Variants in ITCH observed in about 807,000 individuals in gnomAD.
ITCH encodes itchy E3 ubiquitin protein ligase.
A neutral mutation model predicts 126.8 loss-of-function variants in ITCH; 28 were observed. The observed-to-expected ratio is 0.22, with a 90% CI of 0.16 to 0.30. The LOEUF (loss-of-function observed/expected upper bound fraction) is 0.30, where lower values mean the gene tolerates loss of function less well. Ranked by LOEUF, ITCH falls within the 10% of genes least tolerant of loss-of-function variation. The pLI, the probability that ITCH is intolerant of heterozygous loss-of-function variation, is 1.00. For missense variants in ITCH, 631 were observed against 1,032.4 expected, an observed-to-expected ratio of 0.61 and a Z score of 5.33; for synonymous variants, 342 against 340.0, an observed-to-expected ratio of 1.01 and a Z score of -0.06.
chr20:34,475,462 G>A (rs539408403), intron 16 of ITCH, among the ~76,000 whole-genome samples: 9 of 152,300 alleles, frequency 5.9e-5, no homozygotes, highest in East Asian at 3.9e-4. Context: ...AGACCGGCCC[G>A]GCCAACACAT....
rs185725418 is a variant in ITCH, at chr20:34,404,870, A to G, written c.71-3781A>G. On this transcript the variant is annotated intron_variant, in intron 3 of 24. Transcript: ENST00000374864. Reference sequence around the variant, plus strand: ...TTTGTTAGGCCAGGCCTGGTGGCTCATGCCTGTAATTCCACCACTTTGGTA... The same window carrying G: ...TTTGTTAGGCCAGGCCTGGTGGCTCGTGCCTGTAATTCCACCACTTTGGTA... Among the ~76,000 whole-genome samples the G allele has an allele frequency of 2.9e-3, 435 of 152,278 alleles. 2 individuals carry two copies. Among genetic ancestry groups the G allele is most frequent in the South Asian group, 0.028 (137 of 4,818 alleles).
At chr20:34,440,115 A>C (rs1390479343) in intron 8 of ITCH, 40 bp from the exon 9 acceptor site, 2 of 1,424,838 alleles carry the variant, frequency 1.4e-6, no homozygotes, top group Admixed American at 3.4e-5. Flanking sequence ...ATTTTAGAAA[A>C]TGAAAGATTC....
intron 23 of ITCH, among the ~76,000 whole-genome samples, chr20:34,495,970 C>T (rs913903323): frequency 3.4e-5 from 5 of 148,478 alleles, no homozygotes; most frequent in African/African-American, 7.5e-5. Flanking sequence ...TGGTGGTACA[C>T]GCCTGTAATC....
chr20:34,480,937 C>T (rs180863298), intron 19 of ITCH, 129 bp from the exon 20 acceptor site: 2 of 1,103,594 alleles, frequency 1.8e-6, no homozygotes, highest in East Asian at 2.6e-5. Flanking sequence ...AGAACAGAAT[C>T]TTATTTCTTC....
At chr20:34,426,799 T>G (rs536176908) in intron 7 of ITCH, among the ~76,000 whole-genome samples, 3 of 148,794 alleles carry the variant, frequency 2.0e-5, no homozygotes, top group South Asian at 4.3e-4. Flanking sequence ...TTTTGAGGTG[T>G]TGTCTCACTC....
intron 16 of ITCH, among the ~76,000 whole-genome samples, chr20:34,474,039 A>G (rs966532443): frequency 6.6e-6 from 1 of 152,260 alleles, no homozygotes; most frequent in African/African-American, 2.4e-5. Flanking sequence ...AGATTATATG[A>G]AAACATTTTG....
chr20:34,429,992 A>C (rs1982071438), intron 7 of ITCH, among the ~76,000 whole-genome samples: 1 of 152,196 alleles, frequency 6.6e-6, no homozygotes, highest in Non-Finnish European at 1.5e-5. Context: ...GTTTTGTAGG[A>C]AATCTTTAAT....
At chr20:34,468,861 CT>C (rs1370184312) in intron 14 of ITCH, among the ~76,000 whole-genome samples, 2 of 151,950 alleles carry the variant, frequency 1.3e-5, no homozygotes, top group Non-Finnish European at 2.9e-5. Context: ...AAAACTGTCT[CT>C]TTTCCCCTCA....
At chr20:34,492,457 T>C (rs745362155) in intron 22 of ITCH, 44 bp from the exon 23 acceptor site, 15 of 1,144,126 alleles carry the variant, frequency 1.3e-5, no homozygotes, top group Non-Finnish European at 2.0e-5. Context: ...GTGTGCTGAA[T>C]GTAACATATG....
At chr20:34,416,782 A>C (rs1454818771) in intron 6 of ITCH, among the ~76,000 whole-genome samples, 1 of 151,962 alleles carries the variant, frequency 6.6e-6, no homozygotes, top group African/African-American at 2.4e-5. Context: ...CTAGTTTAAT[A>C]TCTCGCTACA....
intron 23 of ITCH, among the ~76,000 whole-genome samples, chr20:34,503,939 T>C (rs902113869): frequency 1.4e-5 from 2 of 146,230 alleles, no homozygotes; most frequent in Non-Finnish European, 3.0e-5. Context: ...GAGAGTGTAG[T>C]GGCGCAATCT....
rs751727385 is a variant in ITCH at position 34,481,218 on chromosome 20, C to G, written c.2093+12C>G. ...GAGGAATACATCAGGTGAGAGTGCT[C>G]CTTTTCACATTTCACTTTTTGTTTG... On this transcript the variant is annotated intron_variant, in intron 20 of 24. Coordinates refer to ENST00000374864, the MANE Select transcript of ITCH (RefSeq NM_031483.7). 4.3e-6 allele frequency: 7 copies of G among 1,612,720 alleles called. No homozygotes were observed. In the South Asian group the frequency reaches 7.7e-5, roughly 18 times the overall value.
At chr20:34,474,196 G>A (rs1987911838) in intron 16 of ITCH, among the ~76,000 whole-genome samples, 1 of 151,180 alleles carries the variant, frequency 6.6e-6, no homozygotes, top group Non-Finnish European at 1.5e-5. Flanking sequence ...GATCATTCTT[G>A]GGTGTTTCTC....
intron 13 of ITCH, among the ~76,000 whole-genome samples, chr20:34,460,311 C>A (rs62212229): frequency 6.6e-6 from 1 of 151,530 alleles, no homozygotes; most frequent in Non-Finnish European, 1.5e-5. Flanking sequence ...GCCTCAGCCT[C>A]CCAAGTAGCT....
intron 2 of ITCH, among the ~76,000 whole-genome samples, chr20:34,386,365 T>A (rs962674268): frequency 5.3e-5 from 8 of 152,164 alleles, no homozygotes; most frequent in African/African-American, 1.9e-4. Flanking sequence ...GGGATCTAGT[T>A]TTTCACTTGA....
At chr20:34,479,261 TA>T (rs1250997285) in intron 17 of ITCH, among the ~76,000 whole-genome samples, 3 of 152,220 alleles carry the variant, frequency 2.0e-5, no homozygotes, top group Non-Finnish European at 4.4e-5. Context: ...TAGTGAATTT[TA>T]AATTTGCCTA....
intron 5 of ITCH, 97 bp downstream of exon 5, chr20:34,412,736 A>C (rs1467703078): frequency 2.8e-6 from 3 of 1,055,470 alleles, no homozygotes; most frequent in Non-Finnish European, 4.3e-6. Flanking sequence ...GTTCTCTCAT[A>C]CTTTTAAGTT....
chr20:34,432,867 G>C (rs1336116764), intron 7 of ITCH, among the ~76,000 whole-genome samples: 2 of 152,204 alleles, frequency 1.3e-5, no homozygotes, highest in Non-Finnish European at 2.9e-5. Flanking sequence ...TGAGTCAGGA[G>C]AATCTGTGGA....
chr20:34,484,983 G>C (rs1989007830), intron 20 of ITCH, among the ~76,000 whole-genome samples: 1 of 152,196 alleles, frequency 6.6e-6, no homozygotes, highest in Non-Finnish European at 1.5e-5. Flanking sequence ...TTTCTGTTTA[G>C]TTCTATTTCT....
Sources: gnomAD v4.1 joint callset for allele counts (sites outside exome capture counted in the v4.1 genomes callset) on GRCh38, gnomAD v4.1.1 for gene constraint, MANE v1.5 for transcripts, NCBI Gene and HGNC (gene_info 2026-07-23, HGNC 2026-07-21) for gene names.